CTCF: variants seen among roughly 807,000 people sequenced by gnomAD.
CTCF encodes CCCTC-binding factor.
CTCF carries 7 observed loss-of-function variants against 72.3 expected under a neutral mutation model. The ratio of observed to expected loss-of-function variants is 0.10; its 90% confidence interval spans 0.06 to 0.18. The LOEUF is 0.18. Among genes scored for constraint, CTCF ranks in the 10% least tolerant of loss-of-function variants. The pLI is 1.00. For missense variants in CTCF, 516 were observed against 949.1 expected, an observed-to-expected ratio of 0.54 and a Z score of 6.00; for synonymous variants, 374 against 315.8, an observed-to-expected ratio of 1.18 and a Z score of -1.95.
rs369684312 is a variant in CTCF at position 67,620,677 on chromosome 16, C to T, written c.1087-20C>T. 1 of 1,535,082 alleles carries T rather than the reference C, an allele frequency of 6.5e-7. No homozygotes were observed. On this transcript the variant is annotated intron_variant, in intron 5 of 11. Transcript: ENST00000264010. ...GTCTGTGTTAACAGAAGTTAAAGTT[C>T]GGTTGTTTTCGTATTTCAGGTCAGC...
At chr16:67,631,684 C>T (rs1396902242) in intron 10 of CTCF, among the ~76,000 whole-genome samples, 1 of 110,274 alleles carries the variant, frequency 9.1e-6, no homozygotes, top group African/African-American at 3.2e-5. Context: ...CCCCCCACCC[C>T]CCCCCCCTTT....
intron 7 of CTCF, among the ~76,000 whole-genome samples, chr16:67,622,640 A>ATTTTTT (rs2052216690): frequency 7.2e-6 from 1 of 139,780 alleles, no homozygotes; most frequent in African/African-American, 2.6e-5. Context: ...ACCTACTCTT[A>ATTTTTT]CTTTTTTTTT....
intron 2 of CTCF, among the ~76,000 whole-genome samples, chr16:67,607,434 T>C (rs2051989494): frequency 6.6e-6 from 1 of 151,976 alleles, no homozygotes; most frequent in Admixed American, 6.6e-5. Context: ...GCCTCCCAAG[T>C]AGCTGGGATT....
At chr16:67,624,065 TTATA>T (rs201781611) in intron 7 of CTCF, among the ~76,000 whole-genome samples, 364 of 97,776 alleles carry the variant, frequency 3.7e-3, no homozygotes, top group African/African-American at 0.013. Context: ...AAAAAAAAAA[TTATA>T]TATGTGTGTG....
intron 2 of CTCF, among the ~76,000 whole-genome samples, chr16:67,572,073 A>G (rs1389835567): frequency 6.6e-6 from 1 of 152,232 alleles, no homozygotes; most frequent in Non-Finnish European, 1.5e-5. Context: ...TGGAAATTAC[A>G]AATGCCAGGA....
intron 2 of CTCF, among the ~76,000 whole-genome samples, chr16:67,580,864 C>T (rs2051570283): frequency 6.6e-6 from 1 of 151,526 alleles, no homozygotes; most frequent in South Asian, 2.1e-4. Context: ...GATCCACCCA[C>T]GTCGGCCTCC....
At position 67,578,350 on chromosome 16, in the gene CTCF, T is replaced by TG. The variant is rs1597683736; in HGVS notation, c.-10+7087dup. Among the ~76,000 whole-genome samples, 7 of 135,672 alleles carry TG rather than the reference T, an allele frequency of 5.2e-5. No individual in the cohort carries two copies. In the East Asian group the frequency reaches 1.4e-3, roughly 27 times the overall value. 89.0% of individuals were successfully genotyped at this position (135,672 alleles called of 152,430 possible). ...CTTTTTTTTTTTTTTTTTTTTTTTT[T>TG]GAGACAGGGTTTTCACTCTGTTGCC... On this transcript the variant is annotated intron_variant, in intron 2 of 11. Transcript: ENST00000264010.
intron 8 of CTCF, chr16:67,627,092 C>T (rs997138234): frequency 1.8e-5 from 3 of 162,868 alleles, no homozygotes; most frequent in Admixed American, 6.4e-5. Context: ...TTGTGCACCA[C>T]ACTAAAAATA....
chr16:67,598,490 A>C (rs1358283695), intron 2 of CTCF, among the ~76,000 whole-genome samples: 1 of 152,254 alleles, frequency 6.6e-6, no homozygotes, highest in Non-Finnish European at 1.5e-5. Flanking sequence ...AAACCAGAAA[A>C]TACAAATTAT....
At chr16:67,624,862 A>G (rs2052261755) in intron 7 of CTCF, among the ~76,000 whole-genome samples, 1 of 151,146 alleles carries the variant, frequency 6.6e-6, no homozygotes, top group Admixed American at 6.6e-5. Flanking sequence ...CCAATATGCT[A>G]GGATTACAGG....
At chr16:67,624,129 A>G (rs1178320078) in intron 7 of CTCF, among the ~76,000 whole-genome samples, 101 of 131,792 alleles carry the variant, frequency 7.7e-4, no homozygotes, top group African/African-American at 2.9e-3. Flanking sequence ...GTGTGTGTAT[A>G]TATATGTGTG....
rs1185720815 is a variant in CTCF at position 67,584,389 on chromosome 16, G to T, written c.-10+13125G>T. Among the ~76,000 whole-genome samples, 3 of 137,398 alleles carry T rather than the reference G, an allele frequency of 2.2e-5. No homozygotes were observed. In the East Asian group the frequency reaches 6.5e-4, roughly 30 times the overall value. The allele number at this position is 137,398 out of a possible 152,430, so 90.1% of individuals were successfully genotyped here. ...GGAGTCTCGCTCTGTCACCCAGGCT[G>T]GAGTGCAGTGGCACGATCTCGGCTC... On this transcript the variant is annotated intron_variant, in intron 2 of 11. Coordinates refer to ENST00000264010, the MANE Select transcript of CTCF (RefSeq NM_006565.4).
At chr16:67,581,555 G>A (rs1418416780) in intron 2 of CTCF, among the ~76,000 whole-genome samples, 1 of 151,796 alleles carries the variant, frequency 6.6e-6, no homozygotes, top group East Asian at 1.9e-4. Context: ...CCAGTCTGGA[G>A]TGTGGTGGCA....
intron 2 of CTCF, chr16:67,572,413 C>CT (rs1446649607): frequency 6.6e-6 from 1 of 152,190 alleles, no homozygotes; most frequent in Non-Finnish European, 1.5e-5. Context: ...ACGTTAATCA[C>CT]TTTCAAGTGT....
At chr16:67,617,036 T>C (rs747679074) in intron 5 of CTCF, among the ~76,000 whole-genome samples, 158 bp downstream of exon 5, 6 of 152,160 alleles carry the variant, frequency 3.9e-5, no homozygotes, top group Non-Finnish European at 5.9e-5. Flanking sequence ...AAAAAACTTA[T>C]GATGATTGTG....
intron 10 of CTCF, among the ~76,000 whole-genome samples, chr16:67,631,492 G>T (rs2052364720): frequency 6.6e-6 from 1 of 151,796 alleles, no homozygotes; most frequent in African/African-American, 2.4e-5. Flanking sequence ...TAGAGATGGG[G>T]TCCCACTGTG....
At chr16:67,609,153 GC>G (rs1364080446) in intron 2 of CTCF, among the ~76,000 whole-genome samples, 2 of 152,158 alleles carry the variant, frequency 1.3e-5, no homozygotes, top group Admixed American at 1.3e-4. Flanking sequence ...GATTGCTTCA[GC>G]CCAGGAGTTC....
At chr16:67,623,665 GGC>G in intron 7 of CTCF, among the ~76,000 whole-genome samples, 1 of 151,990 alleles carries the variant, frequency 6.6e-6, no homozygotes, top group Middle Eastern at 3.4e-3. Flanking sequence ...CAGACACAGT[GGC>G]TCACACCTGT....
intron 5 of CTCF, among the ~76,000 whole-genome samples, chr16:67,617,942 C>A (rs12596321): frequency 6.6e-6 from 1 of 152,154 alleles, no homozygotes; most frequent in African/African-American, 2.4e-5. Flanking sequence ...CTGAATATAT[C>A]TGAAACACAA....
Sources: gnomAD v4.1 joint callset for allele counts (sites outside exome capture counted in the v4.1 genomes callset) on GRCh38, gnomAD v4.1.1 for gene constraint, MANE v1.5 for transcripts, NCBI Gene and HGNC (gene_info 2026-07-23, HGNC 2026-07-21) for gene names.